CACNA1E: variants seen among roughly 807,000 people sequenced by gnomAD.
CACNA1E encodes voltage-dependent R-type calcium channel subunit alpha-1E.
A neutral mutation model predicts 259.2 loss-of-function variants in CACNA1E; 40 were observed. The ratio of observed to expected loss-of-function variants is 0.15; its 90% CI spans 0.12 to 0.20. The LOEUF is 0.20. Ranked by LOEUF, CACNA1E falls within the 10% of genes least tolerant of loss-of-function variation. The pLI is 1.00. For synonymous variants in CACNA1E, 1,104 were observed against 1,138.5 expected (o/e 0.97, Z 0.61); for missense variants, 1,874 against 3,040.1 (o/e 0.62, Z 9.02).
At chr1:181,366,639 G>A (rs576571469) in intron 1 of CACNA1E, among the ~76,000 whole-genome samples, 48 of 152,218 alleles carry the variant, frequency 3.2e-4, no homozygotes, top group Non-Finnish European at 5.9e-4. Context: ...CTACGTGGCC[G>A]ACTGCAATTG....
chr1:181,721,932 A>G (rs1025639117), intron 16 of CACNA1E, 57 bp downstream of exon 16: 3 of 1,126,822 alleles, frequency 2.7e-6, no homozygotes, highest in Admixed American at 3.4e-5. Context: ...CCAGCATTTG[A>G]GGAGGCATTG....
intron 2 of CACNA1E, among the ~76,000 whole-genome samples, chr1:181,417,124 C>T (rs1185997760): frequency 6.6e-6 from 1 of 152,146 alleles, no homozygotes; most frequent in Non-Finnish European, 1.5e-5. Context: ...TCCACTCCCT[C>T]TAGTGCTCAG....
intron 8 of CACNA1E, among the ~76,000 whole-genome samples, chr1:181,713,845 G>C (rs1035147020): frequency 6.6e-6 from 1 of 152,098 alleles, no homozygotes; most frequent in Non-Finnish European, 1.5e-5. Context: ...AGTGAGGTTT[G>C]GTCTAAAAGT....
At chr1:181,706,584 T>G (rs1652823098) in intron 7 of CACNA1E, among the ~76,000 whole-genome samples, 1 of 152,230 alleles carries the variant, frequency 6.6e-6, no homozygotes, top group African/African-American at 2.4e-5. Context: ...GAGCAATGGA[T>G]TTTTATGCTA....
intron 1 of CACNA1E, among the ~76,000 whole-genome samples, chr1:181,409,167 A>C (rs1184130058): frequency 6.6e-6 from 1 of 152,256 alleles, no homozygotes; most frequent in Non-Finnish European, 1.5e-5. Flanking sequence ...AGCAGCGTTT[A>C]AATAGTTGCA....
chr1:181,506,327 T>C (rs892955706), intron 1 of CACNA1E, among the ~76,000 whole-genome samples: 1 of 152,178 alleles, frequency 6.6e-6, no homozygotes, highest in African/African-American at 2.4e-5. Context: ...CTTTGGGGTG[T>C]GAAGTTTTGC....
chr1:181,410,892 G>A (rs751843464), intron 1 of CACNA1E, among the ~76,000 whole-genome samples: 1 of 152,190 alleles, frequency 6.6e-6, no homozygotes, highest in Non-Finnish European at 1.5e-5. Flanking sequence ...TCCAACCCAG[G>A]GAAGGCGGGG....
At chr1:181,641,856 G>A (rs1433572851) in intron 6 of CACNA1E, among the ~76,000 whole-genome samples, 1 of 151,772 alleles carries the variant, frequency 6.6e-6, no homozygotes, top group Non-Finnish European at 1.5e-5. Context: ...TGGGACTACA[G>A]GCATGCGTCA....
intron 2 of CACNA1E, among the ~76,000 whole-genome samples, chr1:181,434,065 A>G (rs945789443): frequency 2.6e-5 from 4 of 152,216 alleles, no homozygotes; most frequent in Admixed American, 2.6e-4. Flanking sequence ...CCTGGAATCT[A>G]AGATGAGCTG....
intron 3 of CACNA1E, among the ~76,000 whole-genome samples, chr1:181,535,947 A>G (rs984752578): frequency 2.0e-5 from 3 of 152,168 alleles, no homozygotes; most frequent in Non-Finnish European, 4.4e-5. Flanking sequence ...TTGGCCTCCC[A>G]AAGTGCTGGG....
At chr1:181,765,862 T>C (rs1006886301) in intron 34 of CACNA1E, among the ~76,000 whole-genome samples, 1 of 152,206 alleles carries the variant, frequency 6.6e-6, no homozygotes, top group African/African-American at 2.4e-5. Context: ...GCCTTGACCC[T>C]CACCTCTAAA....
chr1:181,443,760 C>G (rs1660641994), intron 2 of CACNA1E, among the ~76,000 whole-genome samples: 1 of 152,192 alleles, frequency 6.6e-6, no homozygotes, highest in Non-Finnish European at 1.5e-5. Flanking sequence ...GATTTGATCC[C>G]AGGTCCGTCA....
At chr1:181,715,432 C>T (rs753862668) in intron 9 of CACNA1E, 41 bp downstream of exon 9, 35 of 1,156,010 alleles carry the variant, frequency 3.0e-5, no homozygotes, top group East Asian at 2.4e-4. Flanking sequence ...TTGCATTTGC[C>T]CCTCTTAGGC....
chr1:181,604,732 C>G (rs981178488), intron 6 of CACNA1E, among the ~76,000 whole-genome samples: 4 of 152,184 alleles, frequency 2.6e-5, no homozygotes, highest in Admixed American at 6.5e-5. Flanking sequence ...GGATCTGATC[C>G]CATATCTTAG....
intron 6 of CACNA1E, among the ~76,000 whole-genome samples, chr1:181,588,524 C>T (rs770810283): frequency 3.3e-5 from 5 of 152,184 alleles, no homozygotes; most frequent in African/African-American, 4.8e-5. Flanking sequence ...GAAGTTATTC[C>T]TACTCATTGC....
At chr1:181,505,649 C>T (rs1665647399) in intron 1 of CACNA1E, among the ~76,000 whole-genome samples, 1 of 152,148 alleles carries the variant, frequency 6.6e-6, no homozygotes. Flanking sequence ...GCTGGGATTA[C>T]AGGCGTGAGC....
intron 2 of CACNA1E, among the ~76,000 whole-genome samples, chr1:181,459,204 A>G (rs191815410): frequency 5.3e-4 from 81 of 152,356 alleles, no homozygotes; most frequent in Middle Eastern, 6.8e-3. Flanking sequence ...ACAGGGAACA[A>G]CATTCCCAGT....
intron 1 of CACNA1E, among the ~76,000 whole-genome samples, chr1:181,383,950 C>T (rs560079050): frequency 3.9e-4 from 60 of 152,350 alleles, no homozygotes; most frequent in African/African-American, 1.2e-3. Flanking sequence ...GAACTTTCCA[C>T]GGTGATGCAA....
At chr1:181,589,041 C>A (rs776428004) in intron 6 of CACNA1E, among the ~76,000 whole-genome samples, 7 of 152,202 alleles carry the variant, frequency 4.6e-5, no homozygotes, top group Non-Finnish European at 8.8e-5. Flanking sequence ...TTTTTTCATG[C>A]CCTTCAGAGT....
Sources: gnomAD v4.1 joint callset for allele counts (sites outside exome capture counted in the v4.1 genomes callset) on GRCh38, gnomAD v4.1.1 for gene constraint, MANE v1.5 for transcripts, NCBI Gene and HGNC (gene_info 2026-07-23, HGNC 2026-07-21) for gene names.